The following RANBP2 variants were observed in gnomAD, a reference collection of about 807,000 sequenced individuals.
RANBP2 encodes RAN binding protein 2, also known as E3 SUMO-protein ligase RanBP2.
RANBP2 carries 57 observed loss-of-function variants against 303.6 expected under a neutral mutation model. That is an observed-to-expected ratio of 0.19 (90% confidence interval 0.15 to 0.23). The LOEUF is 0.23. Ranked by LOEUF, RANBP2 falls within the 10% of genes least tolerant of loss-of-function variation. RANBP2 has a pLI of 1.00. For synonymous variants in RANBP2, 1,167 were observed against 1,301.5 expected, an observed-to-expected ratio of 0.90 and a Z score of 2.23; for missense variants, 3,138 against 3,780.8, an observed-to-expected ratio of 0.83 and a Z score of 4.46.
the RANBP2 span, among the ~76,000 whole-genome samples, chr2:108,981,016 G>C: frequency 6.6e-6 from 1 of 152,268 alleles, no homozygotes; most frequent in South Asian, 2.1e-4. Flanking sequence ...GAGCTGACCC[G>C]TTAAACTCAG....
At chr2:109,134,502 A>C in the RANBP2 span, among the ~76,000 whole-genome samples, 1 of 152,212 alleles carries the variant, frequency 6.6e-6, no homozygotes, top group African/African-American at 2.4e-5. Flanking sequence ...TTTATTGAGC[A>C]CCCAGTGGGA....
At chr2:109,596,625 A>G in the RANBP2 span, among the ~76,000 whole-genome samples, 1 of 152,056 alleles carries the variant, frequency 6.6e-6, no homozygotes, top group Non-Finnish European at 1.5e-5. Flanking sequence ...AAAAAAAGAA[A>G]AAAAAAAAGA....
the RANBP2 span, among the ~76,000 whole-genome samples, chr2:109,600,079 C>T: frequency 1.0e-3 from 157 of 152,258 alleles, no homozygotes; most frequent in Non-Finnish European, 1.7e-3. Flanking sequence ...GACCCAAGAC[C>T]ACTTTCTCCC....
the RANBP2 span, among the ~76,000 whole-genome samples, chr2:109,190,195 C>T: frequency 3.3e-5 from 5 of 150,828 alleles, no homozygotes; most frequent in Admixed American, 2.0e-4. Context: ...TTTTTTGAGA[C>T]GGAGTCTCAC....
chr2:108,867,976 A>G, the RANBP2 span, among the ~76,000 whole-genome samples: 1 of 152,244 alleles, frequency 6.6e-6, no homozygotes, highest in South Asian at 2.1e-4. Flanking sequence ...AAAGATTAAA[A>G]TAGCTCTTAT....
chr2:109,083,667 C>G, the RANBP2 span, among the ~76,000 whole-genome samples: 1 of 152,132 alleles, frequency 6.6e-6, no homozygotes, highest in Non-Finnish European at 1.5e-5. Flanking sequence ...TGGATATACT[C>G]AGAAGTGGGA....
the RANBP2 span, among the ~76,000 whole-genome samples, chr2:109,439,329 T>A: frequency 6.2e-4 from 94 of 152,254 alleles, no homozygotes; most frequent in Non-Finnish European, 1.0e-3. Context: ...GCTATTGCTG[T>A]CACAGCCAGG....
At chr2:109,384,162 GTCCCACGT>G in the RANBP2 span, among the ~76,000 whole-genome samples, 1 of 152,172 alleles carries the variant, frequency 6.6e-6, no homozygotes, top group Admixed American at 6.5e-5. Context: ...GCCGCCTGGG[GTCCCACGT>G]TCATCCAGTC....
the RANBP2 span, among the ~76,000 whole-genome samples, chr2:109,764,158 C>G: frequency 6.7e-6 from 1 of 150,186 alleles, no homozygotes; most frequent in Admixed American, 6.8e-5. Context: ...AATTCCACTT[C>G]CAGTTTCTGG....
intron 20 of RANBP2, among the ~76,000 whole-genome samples, chr2:108,768,908 C>T (rs1020750323): frequency 1.3e-5 from 2 of 151,932 alleles, no homozygotes; most frequent in Admixed American, 6.6e-5. Flanking sequence ...TGGTGCGTGC[C>T]TATAATTAGC....
At chr2:108,792,482 A>G in the RANBP2 span, among the ~76,000 whole-genome samples, 3 of 152,234 alleles carry the variant, frequency 2.0e-5, no homozygotes, top group Admixed American at 6.5e-5. Context: ...GGCAAAAGCC[A>G]CAATGACTTT....
the RANBP2 span, among the ~76,000 whole-genome samples, chr2:109,750,784 C>T: frequency 1.5e-5 from 1 of 67,304 alleles, no homozygotes; most frequent in Admixed American, 1.7e-4. Flanking sequence ...AGTGCACTGG[C>T]GTGATCTCGT....
chr2:109,286,437 C>T, the RANBP2 span, among the ~76,000 whole-genome samples: 1 of 152,164 alleles, frequency 6.6e-6, no homozygotes, highest in Non-Finnish European at 1.5e-5. Flanking sequence ...GGCTCAGGTC[C>T]TGTGGTCACT....
At chr2:109,632,293 A>C in the RANBP2 span, among the ~76,000 whole-genome samples, 20 of 152,184 alleles carry the variant, frequency 1.3e-4, no homozygotes, top group Admixed American at 5.9e-4. Context: ...ATCAAACCTA[A>C]GGGGGTCATG....
At chr2:109,015,722 TACTC>T in the RANBP2 span, among the ~76,000 whole-genome samples, 42 of 152,150 alleles carry the variant, frequency 2.8e-4, no homozygotes, top group East Asian at 7.7e-3. Flanking sequence ...CATGTCACTG[TACTC>T]CAGCTTGGGC....
intron 9 of RANBP2, 68 bp downstream of exon 9, chr2:108,749,197 C>G: frequency 6.2e-7 from 1 of 1,607,980 alleles, no homozygotes; most frequent in Non-Finnish European, 8.5e-7. Context: ...AATCTTATTA[C>G]CCAGAAATAA....
the RANBP2 span, among the ~76,000 whole-genome samples, chr2:109,151,192 T>G: frequency 1.3e-5 from 2 of 152,240 alleles, no homozygotes; most frequent in African/African-American, 2.4e-5. Context: ...ATTGAAAATA[T>G]GTGTCCAGTG....
the RANBP2 span, among the ~76,000 whole-genome samples, chr2:109,240,371 C>G: frequency 6.6e-6 from 1 of 152,110 alleles, no homozygotes; most frequent in Non-Finnish European, 1.5e-5. Flanking sequence ...GCCTGTAATC[C>G]CAGCTACTTG....
chr2:109,586,741 C>G, the RANBP2 span, among the ~76,000 whole-genome samples: 1 of 151,898 alleles, frequency 6.6e-6, no homozygotes, highest in Non-Finnish European at 1.5e-5. Flanking sequence ...GTTAAAGAGT[C>G]TCCTGTAAAC....
Sources: gnomAD v4.1 joint callset for allele counts (sites outside exome capture counted in the v4.1 genomes callset) on GRCh38, gnomAD v4.1.1 for gene constraint, MANE v1.5 for transcripts, NCBI Gene and HGNC (gene_info 2026-07-23, HGNC 2026-07-21) for gene names.